MTFR1: variants seen among roughly 807,000 people sequenced by gnomAD.
The protein encoded by MTFR1 is chondrocyte protein with a poly-proline region.
In MTFR1, 28 loss-of-function variants were observed where a neutral mutation model predicts 38.8. The ratio of observed to expected loss-of-function variants is 0.72; its 90% CI spans 0.53 to 0.99. MTFR1 has a LOEUF of 0.99. MTFR1 is among the 50% of genes least tolerant of loss of function. MTFR1 has a pLI of 0.00. For synonymous variants in MTFR1, 145 were observed against 137.0 expected (o/e 1.06, Z -0.41); for missense variants, 358 against 395.5 (o/e 0.91, Z 0.81).
chr8:65,733,803 A>G (rs1026029027), intron 3 of MTFR1, among the ~76,000 whole-genome samples: 1 of 152,220 alleles, frequency 6.6e-6, no homozygotes, highest in South Asian at 2.1e-4. Context: ...AATAATCAGA[A>G]GACTAGCTGT....
chr8:65,756,746 T>C (rs949520055), intron 3 of MTFR1, among the ~76,000 whole-genome samples: 1 of 152,192 alleles, frequency 6.6e-6, no homozygotes, highest in Non-Finnish European at 1.5e-5. Flanking sequence ...TGTGTGGGCT[T>C]CCTCCGGGGT....
chr8:65,729,224 G>T (rs536035468), intron 3 of MTFR1, among the ~76,000 whole-genome samples: 1 of 152,206 alleles, frequency 6.6e-6, no homozygotes, highest in Non-Finnish European at 1.5e-5. Flanking sequence ...GCCATCATTA[G>T]GGTTCTTTTT....
chr8:65,707,185 G>A lies in MTFR1; in HGVS notation c.693G>A (p.Lys231=). The change falls in exon 6 of 8, where the codon AAG becomes AAA. Residue 231 remains lysine, a synonymous_variant. Coordinates refer to ENST00000262146, the MANE Select transcript of MTFR1 (RefSeq NM_014637.4). ...AGACTTTGGTTAAGAACAATCCAAA[G>A]AAACCTGAAATGCCAAATATGCTAG... ...AGKTLVKNNP[K]KPEMPNMLEI... is the part of the protein sequence containing the mutation. The A allele has an allele frequency of 1.9e-6, 3 of 1,614,094 alleles. No homozygotes were observed. The highest frequency in any genetic ancestry group is 2.5e-6 in the Non-Finnish European group (3 of 1,179,988).
chr8:65,762,533 G>GT (rs142830668), intron 3 of MTFR1, among the ~76,000 whole-genome samples: 1 of 152,234 alleles, frequency 6.6e-6, no homozygotes, highest in African/African-American at 2.4e-5. Flanking sequence ...CATTAAACAG[G>GT]TTAGTTAAGG....
At chr8:65,691,315 T>G (rs2129055764) in intron 3 of MTFR1, among the ~76,000 whole-genome samples, 1 of 152,262 alleles carries the variant, frequency 6.6e-6, no homozygotes, top group Non-Finnish European at 1.5e-5. Context: ...TGAGACAGAG[T>G]CTCACTCTGT....
At chr8:65,772,962 C>T (rs1044619268), downstream of MTFR1, among the ~76,000 whole-genome samples, 8 of 151,986 alleles carry the variant, frequency 5.3e-5, no homozygotes, top group East Asian at 1.9e-4. Context: ...GAGCTGAGAT[C>T]GTGCCACTGC....
intron 1 of MTFR1, among the ~76,000 whole-genome samples, chr8:65,668,546 A>T (rs1804464844): frequency 7.8e-6 from 1 of 128,382 alleles, no homozygotes; most frequent in South Asian, 2.4e-4. Flanking sequence ...TTTTTTTAAG[A>T]CGGAGTCACT....
At chr8:65,683,132 CTT>C (rs748824241) in intron 3 of MTFR1, among the ~76,000 whole-genome samples, 22 of 121,654 alleles carry the variant, frequency 1.8e-4, no homozygotes, top group African/African-American at 2.9e-4. Context: ...TTCTTTCTTT[CTT>C]TTTTTTTTTT....
rs114748464 is a variant in MTFR1 at position 65,745,230 on chromosome 8, C to G, written c.*49-25717C>G. Among the ~76,000 whole-genome samples the G allele has an allele frequency of 2.8e-3, 434 of 152,312 alleles. 2 individuals are homozygous for G. Among genetic ancestry groups the G allele is most frequent in the African/African-American group, 9.8e-3 (408 of 41,572 alleles). On this transcript the variant is annotated intron_variant, in intron 3 of 3. Coordinates refer to the MTFR1 transcript ENST00000521247. ...ATGAGTCCATTAAACCTCTTTTTCT[C>G]AATTACCCAGTCTCGGGTATGTCTT...
chr8:65,655,704 C>G (rs1003391004), intron 1 of MTFR1, among the ~76,000 whole-genome samples: 11 of 151,578 alleles, frequency 7.3e-5, no homozygotes, highest in Admixed American at 2.0e-4. Flanking sequence ...AATCCCAGCA[C>G]TTTGGGAGGC....
Position 65,700,072 on chromosome 8 carries a change from C to T in MTFR1, c.282-4622C>T, listed in dbSNP as rs376740704. Among the ~76,000 whole-genome samples the T allele has an allele frequency of 1.6e-4, 25 of 151,662 alleles. 3 individuals carry two copies. Among genetic ancestry groups the T allele is most frequent in the Admixed American group, 9.9e-4 (15 of 15,228 alleles). ...TTATTTATAAACTAGAAGTACAGGC[C>T]GAGTGTAGTGGCTCATGCTTATAAT... On this transcript the variant is annotated intron_variant, in intron 4 of 7. Transcript: ENST00000262146.
intron 3 of MTFR1, chr8:65,734,913 T>A: frequency 2.0e-6 from 3 of 1,489,868 alleles, no homozygotes; most frequent in Non-Finnish European, 2.8e-6. Context: ...AAGAAAGAGA[T>A]CCCGATTTTA....
intron 3 of MTFR1, among the ~76,000 whole-genome samples, chr8:65,753,362 G>T (rs1445748296): frequency 6.6e-6 from 1 of 152,142 alleles, no homozygotes; most frequent in Non-Finnish European, 1.5e-5. Flanking sequence ...CTCTGCCAAA[G>T]AAATAAACTG....
chr8:65,775,204 A>T (rs1282057743), downstream of MTFR1, among the ~76,000 whole-genome samples: 1 of 152,224 alleles, frequency 6.6e-6, no homozygotes, highest in East Asian at 1.9e-4. Context: ...CTAGCAACTT[A>T]TCTCTTTTAT....
intron 4 of MTFR1, among the ~76,000 whole-genome samples, chr8:65,702,897 A>G (rs1585796418): frequency 6.6e-6 from 1 of 152,172 alleles, no homozygotes; most frequent in African/African-American, 2.4e-5. Flanking sequence ...ACAAGGAAAA[A>G]AGAGAGCTAG....
At chr8:65,768,531 C>T (rs1486576580) in intron 3 of MTFR1, among the ~76,000 whole-genome samples, 1 of 152,178 alleles carries the variant, frequency 6.6e-6, no homozygotes, top group Non-Finnish European at 1.5e-5. Context: ...GCCTCCCCAG[C>T]CAGGTGGAGC....
At chr8:65,747,164 G>A (rs1193124250) in intron 3 of MTFR1, among the ~76,000 whole-genome samples, 1 of 152,068 alleles carries the variant, frequency 6.6e-6, no homozygotes, top group Non-Finnish European at 1.5e-5. Context: ...TGAAAGTCAC[G>A]AGACCTTTGT....
At chr8:65,688,680 G>A (rs1426067026) in intron 3 of MTFR1, among the ~76,000 whole-genome samples, 1 of 150,496 alleles carries the variant, frequency 6.6e-6, no homozygotes, top group African/African-American at 2.4e-5. Flanking sequence ...TCCTGACCTC[G>A]TGATCCGCCC....
intron 2 of MTFR1, among the ~76,000 whole-genome samples, chr8:65,715,921 C>T (rs1208948779): frequency 2.1e-5 from 3 of 142,870 alleles, no homozygotes; most frequent in South Asian, 2.3e-4. Flanking sequence ...GGCGTGAACC[C>T]GGGAGGCGGA....
Sources: gnomAD v4.1 joint callset for allele counts (sites outside exome capture counted in the v4.1 genomes callset) on GRCh38, gnomAD v4.1.1 for gene constraint, MANE v1.5 for transcripts, NCBI Gene and HGNC (gene_info 2026-07-23, HGNC 2026-07-21) for gene names.